Variants in FAT3 observed in about 807,000 individuals in gnomAD.
FAT3 encodes the protein protocadherin Fat 3.
In FAT3, 95 loss-of-function variants were observed where a neutral mutation model predicts 310.2. That is an observed-to-expected ratio of 0.31 (90% CI 0.26 to 0.36). FAT3 has a LOEUF of 0.36. FAT3 is among the 10% of genes least tolerant of loss of function. The pLI is 1.00. For synonymous variants in FAT3, 2,314 were observed against 2,192.9 expected, an observed-to-expected ratio of 1.06 and a Z score of -1.54; for missense variants, 5,408 against 5,715.6, an observed-to-expected ratio of 0.95 and a Z score of 1.74.
chr11:92,683,292 C>T (rs1423551057), intron 3 of FAT3, among the ~76,000 whole-genome samples: 2 of 152,092 alleles, frequency 1.3e-5, no homozygotes, highest in Non-Finnish European at 2.9e-5. Flanking sequence ...TGATTGCATG[C>T]CCCTAAAGGA....
At chr11:92,787,749 G>C (rs1185264688) in intron 7 of FAT3, among the ~76,000 whole-genome samples, 1 of 150,982 alleles carries the variant, frequency 6.6e-6, no homozygotes, top group Non-Finnish European at 1.5e-5. Context: ...TATTTTTAAT[G>C]ATCATAGTTA....
chr11:92,465,895 GA>G (rs898685357), intron 2 of FAT3, among the ~76,000 whole-genome samples: 8 of 150,642 alleles, frequency 5.3e-5, no homozygotes, highest in Admixed American at 3.3e-4. Context: ...GTGAAACAGG[GA>G]AAAAAAAAGA....
chr11:92,889,398 A>AT, intron 26 of FAT3, 150 bp downstream of exon 26: 1 of 414,534 alleles, frequency 2.4e-6, no homozygotes, highest in Non-Finnish European at 4.0e-6. Flanking sequence ...CTGTTTTAAA[A>AT]TTTTGAAAAA....
intron 2 of FAT3, among the ~76,000 whole-genome samples, chr11:92,464,785 G>A (rs1951721107): frequency 2.0e-5 from 3 of 152,132 alleles, no homozygotes; most frequent in Admixed American, 2.0e-4. Context: ...TATTCTTTTG[G>A]AATGTTTAAG....
Position 92,792,863 on chromosome 11 carries a change from C to T in FAT3, c.4708C>T (p.Leu1570=), listed in dbSNP as rs764468446. The change falls in exon 9 of 28, where the codon CTG becomes TTG. Residue 1570 remains leucine, a synonymous_variant. Transcript: ENST00000525166. ...NDHSPYFTNP[L]YEASVFESAA... is the part of the protein sequence containing the mutation. ...TCACAGTCCTTATTTTACCAACCCA[C>T]TGTATGAAGCGTCTGTGTTTGAATC... The T allele has an allele frequency of 1.9e-6, 3 of 1,613,750 alleles. No homozygotes were observed. The highest frequency in any genetic ancestry group is 2.5e-6 in the Non-Finnish European group (3 of 1,179,806).
chr11:92,379,087 A>G (rs1565271665), intron 2 of FAT3, among the ~76,000 whole-genome samples: 1 of 151,508 alleles, frequency 6.6e-6, no homozygotes, highest in South Asian at 2.1e-4. Flanking sequence ...ACCCCCTGCC[A>G]CTCCTCTCTC....
At chr11:92,307,629 T>G (rs1057505430) in intron 1 of FAT3, among the ~76,000 whole-genome samples, 1 of 152,186 alleles carries the variant, frequency 6.6e-6, no homozygotes, top group Admixed American at 6.5e-5. Context: ...ATCTCTCAGA[T>G]AAGCTCACAG....
intron 13 of FAT3, among the ~76,000 whole-genome samples, chr11:92,824,160 C>T (rs1351591139): frequency 1.3e-5 from 2 of 152,068 alleles, no homozygotes; most frequent in African/African-American, 4.8e-5. Flanking sequence ...AGTTTGAGAC[C>T]AGCCTGGCCA....
intron 2 of FAT3, among the ~76,000 whole-genome samples, chr11:92,450,272 T>G (rs964362367): frequency 2.0e-5 from 3 of 152,344 alleles, no homozygotes; most frequent in African/African-American, 7.2e-5. Flanking sequence ...TTTGCATTTT[T>G]AACCTTGACA....
chr11:92,623,811 C>T (rs758652699), intron 3 of FAT3, among the ~76,000 whole-genome samples: 14 of 151,954 alleles, frequency 9.2e-5, no homozygotes, highest in Admixed American at 5.9e-4. Flanking sequence ...GGCATTGAGG[C>T]GGGTGCCTGT....
chr11:92,552,464 A>G (rs140025991), intron 3 of FAT3, among the ~76,000 whole-genome samples: 291 of 152,260 alleles, frequency 1.9e-3, no homozygotes, highest in African/African-American at 6.7e-3. Flanking sequence ...AAAATATTCT[A>G]TTTTTGGTTC....
At chr11:92,403,400 G>A (rs568935409) in intron 2 of FAT3, 1 of 152,276 alleles carries the variant, frequency 6.6e-6, no homozygotes, top group African/African-American at 2.4e-5. Flanking sequence ...TCCCTAAAAA[G>A]GAATGTTCTT....
intron 1 of FAT3, among the ~76,000 whole-genome samples, chr11:92,260,048 T>C (rs1445369236): frequency 6.6e-6 from 1 of 152,172 alleles, no homozygotes; most frequent in Admixed American, 6.6e-5. Context: ...AAAGTGAAGC[T>C]GAAGAGCTTT....
chr11:92,786,928 T>C (rs139238786), intron 7 of FAT3, among the ~76,000 whole-genome samples: 15 of 152,342 alleles, frequency 9.8e-5, no homozygotes, highest in African/African-American at 3.6e-4. Flanking sequence ...TCTGTGGCAT[T>C]ATCTTCAGGA....
At chr11:92,424,586 C>A (rs1227476298) in intron 2 of FAT3, among the ~76,000 whole-genome samples, 1 of 152,142 alleles carries the variant, frequency 6.6e-6, no homozygotes, top group African/African-American at 2.4e-5. Context: ...TAGTAGTAGA[C>A]TGCAATAGAG....
chr11:92,422,558 A>G lies in FAT3; in HGVS notation c.3292+67154A>G, dbSNP rs181258403. On this transcript the variant is annotated intron_variant, in intron 2 of 27. Transcript: ENST00000525166. ...GAAGAGGAGAACTGTGGCAGGGCACATAGGATGGAGGAGACAGGAGAGAGT... is the reference window on the plus strand; with the variant it reads ...GAAGAGGAGAACTGTGGCAGGGCACGTAGGATGGAGGAGACAGGAGAGAGT... Among the ~76,000 whole-genome samples, 95 of 152,318 alleles carry G rather than the reference A, an allele frequency of 6.2e-4. 1 individual carries two copies. The highest frequency in any genetic ancestry group is 2.5e-3 in the Admixed American group (38 of 15,286).
At chr11:92,391,619 G>C (rs1440815341) in intron 2 of FAT3, among the ~76,000 whole-genome samples, 1 of 152,192 alleles carries the variant, frequency 6.6e-6, no homozygotes, top group Non-Finnish European at 1.5e-5. Context: ...CTTATTATTT[G>C]TATGTAGTTT....
intron 23 of FAT3, 84 bp downstream of exon 23, chr11:92,880,968 A>AT: frequency 1.4e-6 from 2 of 1,422,418 alleles, no homozygotes; most frequent in Non-Finnish European, 1.9e-6. Flanking sequence ...AGGGTAAAAT[A>AT]TTTACCACTA....
At chr11:92,693,401 G>T (rs778065743) in intron 3 of FAT3, among the ~76,000 whole-genome samples, 1 of 152,164 alleles carries the variant, frequency 6.6e-6, no homozygotes, top group Non-Finnish European at 1.5e-5. Context: ...TACAGAATGG[G>T]GTTGCCTTCC....
Sources: gnomAD v4.1 joint callset for allele counts (sites outside exome capture counted in the v4.1 genomes callset) on GRCh38, gnomAD v4.1.1 for gene constraint, MANE v1.5 for transcripts, NCBI Gene and HGNC (gene_info 2026-07-23, HGNC 2026-07-21) for gene names.